AFF2: variants seen among roughly 807,000 people sequenced by gnomAD.
AFF2 encodes the protein ALF transcription elongation factor 2.
Under a neutral mutation model 76.9 loss-of-function variants are expected in AFF2, and 14 were observed. That is an observed-to-expected ratio of 0.18 (90% CI 0.12 to 0.28). The LOEUF is 0.28. Ranked by LOEUF, AFF2 falls within the 10% of genes least tolerant of loss-of-function variation. AFF2 has a pLI of 1.00. For missense variants in AFF2, 868 were observed against 1,001.1 expected, an observed-to-expected ratio of 0.87 and a Z score of 1.79; for synonymous variants, 398 against 366.7, an observed-to-expected ratio of 1.09 and a Z score of -0.98.
chrX:148,573,697 A>C (rs1557242898), intron 1 of AFF2, among the ~76,000 whole-genome samples: 1 of 111,528 alleles, frequency 9.0e-6, no homozygotes, highest in East Asian at 2.8e-4. Context: ...CCCACAACAT[A>C]GGCAACTTTA....
chrX:148,847,840 C>T (rs1002838849), intron 7 of AFF2, among the ~76,000 whole-genome samples: 5 of 112,019 alleles, frequency 4.5e-5, no homozygotes, highest in African/African-American at 9.7e-5. Flanking sequence ...TGCCAGGCAT[C>T]GTGGAGGTGC....
chrX:148,697,448 G>A (rs782144196), intron 3 of AFF2, among the ~76,000 whole-genome samples: 9 of 111,603 alleles, frequency 8.1e-5, no homozygotes, highest in East Asian at 2.8e-4. Context: ...AGTATTGAGC[G>A]TTATAGATCT....
chrX:148,874,767 T>C (rs897386253), intron 7 of AFF2, among the ~76,000 whole-genome samples: 2 of 111,437 alleles, frequency 1.8e-5, no homozygotes, highest in Admixed American at 9.6e-5. Context: ...TCTTTATGAG[T>C]CAGTGGCAGT....
At chrX:148,917,103 A>T (rs1557282696) in intron 9 of AFF2, among the ~76,000 whole-genome samples, 1 of 112,324 alleles carries the variant, frequency 8.9e-6, no homozygotes, top group Admixed American at 9.4e-5. Context: ...AAAGGAATAG[A>T]GTTTTATTTT....
chrX:148,769,441 G>A (rs1417483970), intron 3 of AFF2, among the ~76,000 whole-genome samples: 5 of 111,599 alleles, frequency 4.5e-5, no homozygotes, highest in Non-Finnish European at 9.4e-5. Flanking sequence ...ACAGGCAGCA[G>A]GGACAATGAT....
intron 1 of AFF2, among the ~76,000 whole-genome samples, chrX:148,625,280 A>G (rs2053912755): frequency 9.0e-6 from 1 of 111,316 alleles, no homozygotes; most frequent in Non-Finnish European, 1.9e-5. Flanking sequence ...GAGGTGCAAG[A>G]TTGATGTGTC....
At chrX:148,735,518 A>G (rs1557265014) in intron 3 of AFF2, among the ~76,000 whole-genome samples, 1 of 112,244 alleles carries the variant, frequency 8.9e-6, no homozygotes, top group African/African-American at 3.2e-5. Flanking sequence ...TTTCCTGCTT[A>G]TGTAAACAAA....
chrX:148,986,795 C>T (rs2124430376), intron 19 of AFF2, among the ~76,000 whole-genome samples: 1 of 113,040 alleles, frequency 8.8e-6, no homozygotes, highest in Admixed American at 9.3e-5. Context: ...GTTCCAGCAG[C>T]AGGTAGAGAA....
intron 3 of AFF2, among the ~76,000 whole-genome samples, chrX:148,674,878 G>C (rs1461439580): frequency 8.9e-6 from 1 of 112,656 alleles, no homozygotes; most frequent in Non-Finnish European, 1.9e-5. Flanking sequence ...TTGGGTGTGG[G>C]GAGGTAGAGA....
At chrX:148,921,755 T>C (rs1377271855) in intron 9 of AFF2, among the ~76,000 whole-genome samples, 1 of 112,247 alleles carries the variant, frequency 8.9e-6, no homozygotes, top group Non-Finnish European at 1.9e-5. Context: ...ATAAAATGAC[T>C]CTATTATGTG....
chrX:148,686,995 G>C (rs2054607323), intron 3 of AFF2, among the ~76,000 whole-genome samples: 1 of 111,745 alleles, frequency 8.9e-6, no homozygotes, highest in Non-Finnish European at 1.9e-5. Context: ...AAACAAACCT[G>C]TGTCAAATGA....
chrX:148,571,542 T>C (rs181118587), intron 1 of AFF2, among the ~76,000 whole-genome samples: 80 of 111,314 alleles, frequency 7.2e-4, no homozygotes, highest in Non-Finnish European at 6.2e-4. Flanking sequence ...AAGTAAAAGA[T>C]TGTATTGATC....
At chrX:148,512,831 G>C (rs980586176) in intron 1 of AFF2, among the ~76,000 whole-genome samples, 1 of 112,231 alleles carries the variant, frequency 8.9e-6, no homozygotes, top group Non-Finnish European at 1.9e-5. Context: ...GATTACATCT[G>C]TCTTTGTAGT....
At chrX:148,600,316 A>G (rs2053614209) in intron 1 of AFF2, among the ~76,000 whole-genome samples, 1 of 111,614 alleles carries the variant, frequency 9.0e-6, no homozygotes, top group Non-Finnish European at 1.9e-5. Flanking sequence ...TTGGCGAGAC[A>G]GATGGAAAAG....
At chrX:148,919,451 A>G (rs1201127790) in intron 9 of AFF2, among the ~76,000 whole-genome samples, 1 of 111,108 alleles carries the variant, frequency 9.0e-6, no homozygotes, top group Non-Finnish European at 1.9e-5. Flanking sequence ...CTCATGTCGA[A>G]TTGGATTTGT....
chrX:148,643,016 AAC>A (rs2054105726), intron 1 of AFF2, among the ~76,000 whole-genome samples: 1 of 112,302 alleles, frequency 8.9e-6, no homozygotes, highest in African/African-American at 3.2e-5. Flanking sequence ...TAGATCTAGT[AAC>A]TCTTTAAAGC....
chrX:148,822,620 C>A (rs1450878429), intron 4 of AFF2, among the ~76,000 whole-genome samples: 2 of 110,543 alleles, frequency 1.8e-5, no homozygotes, highest in African/African-American at 3.3e-5. Context: ...TGTTTTGGCA[C>A]TATTCACTGT....
At chrX:148,672,167 G>A (rs1557259147) in intron 3 of AFF2, among the ~76,000 whole-genome samples, 1 of 112,236 alleles carries the variant, frequency 8.9e-6, no homozygotes. Flanking sequence ...TATGGGAGTT[G>A]TAAGTCTGTT....
At chrX:148,952,859 G>A (rs2071985716) in intron 9 of AFF2, among the ~76,000 whole-genome samples, 1 of 111,704 alleles carries the variant, frequency 9.0e-6, no homozygotes, top group Non-Finnish European at 1.9e-5. Flanking sequence ...AGGCCTAGAA[G>A]TGTGTTGTCT....
Sources: allele counts gnomAD v4.1 joint callset (sites outside exome capture counted in the v4.1 genomes callset), GRCh38; gene constraint gnomAD v4.1.1; transcripts MANE v1.5; gene names NCBI Gene and HGNC (gene_info 2026-07-23, HGNC 2026-07-21).